The following XYLT1 variants were observed in gnomAD, a reference collection of about 807,000 sequenced individuals.
XYLT1 encodes the protein beta-D-xylosyltransferase 1.
Under a neutral mutation model 91.3 loss-of-function variants are expected in XYLT1, and 36 were observed. The ratio of observed to expected loss-of-function variants is 0.39; its 90% CI spans 0.30 to 0.52. The LOEUF (loss-of-function observed/expected upper bound fraction) is 0.52. Ranked by LOEUF, XYLT1 falls within the 20% of genes least tolerant of loss-of-function variation. The pLI is 0.68. For missense variants in XYLT1, 1,242 were observed against 1,284.5 expected, an observed-to-expected ratio of 0.97 and a Z score of 0.51; for synonymous variants, 588 against 532.0, an observed-to-expected ratio of 1.11 and a Z score of -1.45.
intron 6 of XYLT1, among the ~76,000 whole-genome samples, chr16:17,153,146 CA>C (rs2031322282): frequency 2.0e-5 from 3 of 152,202 alleles, no homozygotes; most frequent in Admixed American, 6.5e-5. Context: ...TGATCATCAT[CA>C]ACTTAATAGG....
At chr16:17,253,826 G>A (rs1481312094) in intron 3 of XYLT1, among the ~76,000 whole-genome samples, 1 of 89,530 alleles carries the variant, frequency 1.1e-5, no homozygotes, top group East Asian at 2.3e-4. Context: ...TGCAACTTGA[G>A]AGAGAGAGAG....
chr16:17,371,090 C>T (rs141111959), intron 1 of XYLT1, among the ~76,000 whole-genome samples: 108 of 152,282 alleles, frequency 7.1e-4, no homozygotes, highest in African/African-American at 2.6e-3. Flanking sequence ...TGTAAAGTAA[C>T]GTGGCTGCAA....
At chr16:17,210,440 G>A (rs918431676) in intron 3 of XYLT1, among the ~76,000 whole-genome samples, 3 of 152,182 alleles carry the variant, frequency 2.0e-5, no homozygotes, top group African/African-American at 4.8e-5. Flanking sequence ...AGCTGGGCAT[G>A]GTGGTGCACG....
At chr16:17,321,176 T>A (rs985944401) in intron 2 of XYLT1, among the ~76,000 whole-genome samples, 3 of 151,910 alleles carry the variant, frequency 2.0e-5, no homozygotes, top group Admixed American at 1.3e-4. Flanking sequence ...ATCTGCTTTT[T>A]ACTCTCCCCG....
At chr16:17,269,664 C>T (rs1596458432) in intron 2 of XYLT1, among the ~76,000 whole-genome samples, 1 of 152,180 alleles carries the variant, frequency 6.6e-6, no homozygotes, top group South Asian at 2.1e-4. Context: ...ACTTCATAAA[C>T]AGCAGTTAGC....
chr16:17,452,456 A>G (rs1200576427), intron 1 of XYLT1, among the ~76,000 whole-genome samples: 2 of 151,574 alleles, frequency 1.3e-5, no homozygotes, highest in African/African-American at 4.8e-5. Context: ...TTTTTAATGG[A>G]CTTTTATTTT....
intron 1 of XYLT1, among the ~76,000 whole-genome samples, chr16:17,379,755 TCTCTCTCTCACACACA>T (rs2035649792): frequency 7.7e-6 from 1 of 130,426 alleles, no homozygotes; most frequent in African/African-American, 3.2e-5. Context: ...TCTCTCTCTC[TCTCTCTCTCACACACA>T]CACACACACA....
chr16:17,459,912 G>T (rs780709176), intron 1 of XYLT1, among the ~76,000 whole-genome samples: 3 of 152,176 alleles, frequency 2.0e-5, no homozygotes, highest in Non-Finnish European at 4.4e-5. Context: ...GTTACAAGAC[G>T]CTGTGAGGAA....
intron 1 of XYLT1, among the ~76,000 whole-genome samples, chr16:17,395,300 C>A (rs2035870424): frequency 6.6e-6 from 1 of 152,120 alleles, no homozygotes; most frequent in South Asian, 2.1e-4. Context: ...GAGATGAGAG[C>A]TGGATGGGGA....
At chr16:17,164,294 T>TA (rs61596519) in intron 5 of XYLT1, among the ~76,000 whole-genome samples, 73,436 of 147,294 alleles carry the variant, frequency 0.5, 20,350 homozygotes, top group East Asian at 0.66. Flanking sequence ...ATGTCACAAA[T>TA]TTTTTTTTTT....
intron 1 of XYLT1, among the ~76,000 whole-genome samples, chr16:17,400,799 G>A (rs2035957504): frequency 6.6e-6 from 1 of 152,078 alleles, no homozygotes. Context: ...AGCGAGGAAG[G>A]CCAGCCGGAG....
At chr16:17,408,568 G>A (rs900858944) in intron 1 of XYLT1, among the ~76,000 whole-genome samples, 3 of 152,220 alleles carry the variant, frequency 2.0e-5, no homozygotes, top group Non-Finnish European at 2.9e-5. Flanking sequence ...AGAATAGGCC[G>A]GGGATGGTGG....
Position 17,134,648 on chromosome 16 carries a change from CG to C in XYLT1, c.1851del (p.Tyr617Ter). On this transcript the variant is annotated frameshift_variant, in exon 9 of 12. Coordinates refer to ENST00000261381, the MANE Select transcript of XYLT1 (RefSeq NM_022166.4). LOFTEE classifies it high-confidence loss of function. ...EIIGQLDYYL[Y>X]GNYPAGTPGL... ...CCCGGGGTACCTGCAGGGTAGTTCCCGTACAGGTAATAGTCCAGCTGCCCAA... is the reference window on the plus strand; with the variant it reads ...CCCGGGGTACCTGCAGGGTAGTTCCCTACAGGTAATAGTCCAGCTGCCCAA... 1 of 1,614,170 alleles carries C rather than the reference CG, an allele frequency of 6.2e-7. No homozygotes were observed. Among genetic ancestry groups the C allele is most frequent in the East Asian group, 2.2e-5 (1 of 44,882 alleles).
chr16:17,437,222 C>A (rs1360238537), intron 1 of XYLT1, among the ~76,000 whole-genome samples: 1 of 152,064 alleles, frequency 6.6e-6, no homozygotes, highest in African/African-American at 2.4e-5. Context: ...AGAAAAAAAA[C>A]GATGCTTGCC....
intron 10 of XYLT1, among the ~76,000 whole-genome samples, chr16:17,123,437 G>A (rs1456280387): frequency 1.3e-5 from 2 of 152,102 alleles, no homozygotes; most frequent in African/African-American, 4.8e-5. Context: ...CAGAAGTGTT[G>A]AATTCAGGAG....
At chr16:17,209,090 A>G (rs1217726939) in intron 3 of XYLT1, among the ~76,000 whole-genome samples, 1 of 152,180 alleles carries the variant, frequency 6.6e-6, no homozygotes, top group Non-Finnish European at 1.5e-5. Context: ...TGCAACTATT[A>G]TCACCATCCA....
intron 1 of XYLT1, among the ~76,000 whole-genome samples, chr16:17,427,362 G>T (rs185203775): frequency 6.6e-6 from 1 of 152,216 alleles, no homozygotes; most frequent in Non-Finnish European, 1.5e-5. Context: ...GCAGTGGTGC[G>T]ATCTCGCCTC....
chr16:17,220,703 T>C (rs2032951404), intron 3 of XYLT1, among the ~76,000 whole-genome samples: 1 of 152,120 alleles, frequency 6.6e-6, no homozygotes, highest in South Asian at 2.1e-4. Flanking sequence ...AAACTCCTGA[T>C]CTCAGGTGAG....
chr16:17,197,629 T>C (rs1326721375), intron 5 of XYLT1, among the ~76,000 whole-genome samples: 1 of 152,158 alleles, frequency 6.6e-6, no homozygotes, highest in African/African-American at 2.4e-5. Flanking sequence ...GTGGCCAGAA[T>C]AAAAGCAGGC....
Sources: gnomAD v4.1 joint callset for allele counts (sites outside exome capture counted in the v4.1 genomes callset) on GRCh38, gnomAD v4.1.1 for gene constraint, MANE v1.5 for transcripts, NCBI Gene and HGNC (gene_info 2026-07-23, HGNC 2026-07-21) for gene names.